Variants in KALRN observed in about 807,000 individuals in gnomAD.
KALRN encodes kalirin RhoGEF kinase, also known as kalirin.
Under a neutral mutation model 353.7 loss-of-function variants are expected in KALRN, and 70 were observed. That is an observed-to-expected ratio of 0.20 (90% CI 0.16 to 0.24). The LOEUF (loss-of-function observed/expected upper bound fraction) is 0.24, where lower values mean the gene tolerates loss of function less well. Among genes scored for constraint, KALRN ranks in the 10% least tolerant of loss-of-function variants. The pLI is 1.00. For synonymous variants in KALRN, 1,391 were observed against 1,434.8 expected (o/e 0.97, Z 0.69); for missense variants, 2,791 against 3,756.7 (o/e 0.74, Z 6.72).
At chr3:124,340,960 A>T (rs1182759015) in intron 9 of KALRN, among the ~76,000 whole-genome samples, 1 of 152,226 alleles carries the variant, frequency 6.6e-6, no homozygotes, top group Non-Finnish European at 1.5e-5. Flanking sequence ...CATTTCAAAA[A>T]AAAGAAAAAG....
At chr3:124,180,775 C>G (rs1205831525) in intron 1 of KALRN, among the ~76,000 whole-genome samples, 1 of 152,144 alleles carries the variant, frequency 6.6e-6, no homozygotes, top group Non-Finnish European at 1.5e-5. Context: ...TCTCTCTGCT[C>G]TCCTTCCTCC....
intron 33 of KALRN, among the ~76,000 whole-genome samples, chr3:124,536,087 A>G (rs1001022742): frequency 6.6e-6 from 1 of 152,106 alleles, no homozygotes; most frequent in African/African-American, 2.4e-5. Context: ...GTAGTCTTTT[A>G]CTGGGTAACA....
intron 1 of KALRN, among the ~76,000 whole-genome samples, chr3:124,179,047 C>T (rs2073185664): frequency 6.6e-6 from 1 of 151,992 alleles, no homozygotes; most frequent in African/African-American, 2.4e-5. Flanking sequence ...TTCAAGGCTA[C>T]AGTGAGCTAT....
chr3:124,249,316 C>T (rs1369628236), intron 3 of KALRN, among the ~76,000 whole-genome samples: 4 of 152,056 alleles, frequency 2.6e-5, no homozygotes, highest in African/African-American at 7.2e-5. Context: ...TGAAAGCTTC[C>T]AAGGCAGCAG....
intron 33 of KALRN, among the ~76,000 whole-genome samples, chr3:124,526,012 C>T (rs552319502): frequency 3.9e-5 from 6 of 152,322 alleles, no homozygotes; most frequent in Non-Finnish European, 7.3e-5. Flanking sequence ...TTTAATGGCA[C>T]AGCAATATGT....
intron 5 of KALRN, among the ~76,000 whole-genome samples, chr3:124,294,236 G>A (rs1451015901): frequency 6.6e-6 from 1 of 151,936 alleles, no homozygotes; most frequent in Non-Finnish European, 1.5e-5. Flanking sequence ...GCCCTGGGGA[G>A]CTCAAGCAGA....
At chr3:124,183,257 G>A (rs2073841487) in intron 1 of KALRN, among the ~76,000 whole-genome samples, 1 of 152,140 alleles carries the variant, frequency 6.6e-6, no homozygotes, top group South Asian at 2.1e-4. Context: ...TATAAGAAAG[G>A]AGGTTTAATT....
chr3:124,073,805 G>A (rs891538386), intron 1 of KALRN, among the ~76,000 whole-genome samples: 11 of 152,192 alleles, frequency 7.2e-5, no homozygotes, highest in African/African-American at 2.2e-4. Context: ...GCCTGGATTC[G>A]AACCTATGGA....
chr3:124,351,326 G>A (rs997012241), intron 10 of KALRN, among the ~76,000 whole-genome samples: 9 of 152,142 alleles, frequency 5.9e-5, no homozygotes, highest in Middle Eastern at 3.2e-3. Context: ...TATATGCTGT[G>A]GGGTAGGAGC....
chr3:124,227,692 T>G (rs1026297924), intron 1 of KALRN, among the ~76,000 whole-genome samples: 36 of 58,812 alleles, frequency 6.1e-4, no homozygotes, highest in East Asian at 2.3e-3. Context: ...TTTTTTTTTT[T>G]TTTTTTTTTT....
intron 10 of KALRN, among the ~76,000 whole-genome samples, chr3:124,366,824 G>C (rs372977789): frequency 6.8e-6 from 1 of 147,468 alleles, no homozygotes; most frequent in African/African-American, 2.6e-5. Context: ...GTGGCTGGCT[G>C]GGCGGGGGTC....
chr3:124,286,109 T>TTCTTTC (rs1553894037), intron 5 of KALRN, among the ~76,000 whole-genome samples: 6 of 147,606 alleles, frequency 4.1e-5, no homozygotes, highest in African/African-American at 1.3e-4. Flanking sequence ...CTTTCTTTCT[T>TTCTTTC]TCTTTCTTTC....
intron 33 of KALRN, among the ~76,000 whole-genome samples, chr3:124,556,269 A>G (rs568022884): frequency 6.6e-6 from 1 of 152,360 alleles, no homozygotes; most frequent in South Asian, 2.1e-4. Flanking sequence ...GCAAGCAAAG[A>G]TAAAGTAAAT....
Position 124,436,403 on chromosome 3 carries a change from A to G in KALRN, c.3048+1878A>G, listed in dbSNP as rs572025487. Among the ~76,000 whole-genome samples the G allele has an allele frequency of 1.3e-3, 194 of 152,364 alleles. 2 individuals are homozygous for G. The highest frequency in any genetic ancestry group is 0.01 in the South Asian group (49 of 4,832). ...ACAGATCTCAAGTACTCTTTTTCTT[A>G]AAGTTTTTACATGTCTTTAAGCTGT... On this transcript the variant is annotated intron_variant, in intron 17 of 59. Coordinates refer to ENST00000682506, the MANE Select transcript of KALRN (RefSeq NM_001388419.1).
intron 1 of KALRN, among the ~76,000 whole-genome samples, chr3:124,044,859 C>CTCCTTCCTTCCTTCCTTCCT (rs1186718315): frequency 2.3e-5 from 1 of 43,228 alleles, no homozygotes; most frequent in African/African-American, 7.5e-5. Context: ...CCCTCCCTCC[C>CTCCTTCCTTCCTTCCTTCCT]TCCTTCCTTC....
At chr3:124,564,404 A>G (rs2072525942) in intron 34 of KALRN, among the ~76,000 whole-genome samples, 1 of 152,074 alleles carries the variant, frequency 6.6e-6, no homozygotes. Context: ...AATCAAAGTT[A>G]AAAGCCAGGT....
At chr3:124,576,483 G>C (rs2074105880) in intron 34 of KALRN, among the ~76,000 whole-genome samples, 1 of 152,164 alleles carries the variant, frequency 6.6e-6, no homozygotes, top group Non-Finnish European at 1.5e-5. Context: ...ACTTCAGGAT[G>C]GGAATGGGGA....
intron 1 of KALRN, among the ~76,000 whole-genome samples, chr3:124,119,173 G>A (rs1380753212): frequency 6.6e-6 from 1 of 152,166 alleles, no homozygotes; most frequent in African/African-American, 2.4e-5. Flanking sequence ...GGGAGTGGAA[G>A]CTGACTGACA....
intron 4 of KALRN, among the ~76,000 whole-genome samples, chr3:124,265,717 T>C (rs1580249455): frequency 6.6e-6 from 1 of 152,350 alleles, no homozygotes; most frequent in African/African-American, 2.4e-5. Context: ...TATACAATAG[T>C]ATATATACAC....
Sources: allele counts gnomAD v4.1 joint callset (sites outside exome capture counted in the v4.1 genomes callset), GRCh38; gene constraint gnomAD v4.1.1; transcripts MANE v1.5; gene names NCBI Gene and HGNC (gene_info 2026-07-23, HGNC 2026-07-21).